Variants in VRK1 observed in about 807,000 individuals in gnomAD.
VRK1 encodes the protein serine/threonine-protein kinase VRK1.
VRK1 carries 33 observed loss-of-function variants against 57.1 expected under a neutral mutation model. The observed-to-expected ratio is 0.58, with a 90% CI of 0.44 to 0.77. The LOEUF (loss-of-function observed/expected upper bound fraction) is 0.77, where lower values mean the gene tolerates loss of function less well. VRK1 is among the 30% of genes least tolerant of loss of function. VRK1 has a pLI of 0.00. For missense variants in VRK1, 413 were observed against 477.3 expected (o/e 0.87, Z 1.25); for synonymous variants, 137 against 147.8 (o/e 0.93, Z 0.53).
chr14:96,829,570 A>G (rs960459390), intron 1 of VRK1, among the ~76,000 whole-genome samples: 2 of 152,222 alleles, frequency 1.3e-5, no homozygotes. Flanking sequence ...TCTTTCTTCC[A>G]TATCTGAATC....
intron 2 of VRK1, among the ~76,000 whole-genome samples, chr14:96,836,352 A>G (rs1044720882): frequency 1.3e-5 from 2 of 151,904 alleles, no homozygotes; most frequent in African/African-American, 2.4e-5. Context: ...ATGGCTCCCC[A>G]TCTTATTCAT....
intron 11 of VRK1, among the ~76,000 whole-genome samples, chr14:96,868,631 A>G (rs1888678451): frequency 6.6e-6 from 1 of 152,186 alleles, no homozygotes; most frequent in East Asian, 1.9e-4. Context: ...GTGATACAGA[A>G]GGAAATTTGG....
At chr14:96,869,216 A>G (rs183373945) in intron 11 of VRK1, among the ~76,000 whole-genome samples, 1 of 152,360 alleles carries the variant, frequency 6.6e-6, no homozygotes, top group African/African-American at 2.4e-5. Flanking sequence ...AGTGGCAGGC[A>G]CATAGCAAGT....
At chr14:96,837,163 T>C (rs1887252724) in intron 2 of VRK1, among the ~76,000 whole-genome samples, 1 of 152,240 alleles carries the variant, frequency 6.6e-6, no homozygotes, top group Non-Finnish European at 1.5e-5. Flanking sequence ...ATCTGTTTAA[T>C]GAATATGGGC....
chr14:96,852,961 T>G, intron 6 of VRK1, 22 bp downstream of exon 6: 1 of 1,612,180 alleles, frequency 6.2e-7, no homozygotes, highest in Non-Finnish European at 8.5e-7. Context: ...ATGTTCTTCT[T>G]GTTTTTAAAA....
At chr14:96,830,259 G>A (rs915011933) in intron 1 of VRK1, among the ~76,000 whole-genome samples, 1 of 152,008 alleles carries the variant, frequency 6.6e-6, no homozygotes, top group Non-Finnish European at 1.5e-5. Context: ...TGAAGTTCAG[G>A]AAAGTTTTCT....
intron 11 of VRK1, among the ~76,000 whole-genome samples, chr14:96,868,288 A>G (rs1888662486): frequency 6.6e-6 from 1 of 152,176 alleles, no homozygotes; most frequent in African/African-American, 2.4e-5. Context: ...GTTGCATATT[A>G]TAATAAATTC....
At chr14:96,863,716 T>C (rs1271768262) in intron 11 of VRK1, among the ~76,000 whole-genome samples, 1 of 152,192 alleles carries the variant, frequency 6.6e-6, no homozygotes, top group Non-Finnish European at 1.5e-5. Context: ...CTCCTAATTT[T>C]AAAATTTTAA....
chr14:96,873,534 A>G (rs916822956), intron 11 of VRK1, among the ~76,000 whole-genome samples: 14 of 152,222 alleles, frequency 9.2e-5, no homozygotes, highest in African/African-American at 3.4e-4. Context: ...TTGGTTTCAT[A>G]TTAAACGCAA....
chr14:96,820,099 T>G (rs1886541529), intron 1 of VRK1, among the ~76,000 whole-genome samples: 1 of 152,032 alleles, frequency 6.6e-6, no homozygotes, highest in African/African-American at 2.4e-5. Context: ...CTTTGGAGCT[T>G]CTTCTCAGTC....
At chr14:96,871,821 T>A (rs575243870) in intron 11 of VRK1, among the ~76,000 whole-genome samples, 1 of 152,312 alleles carries the variant, frequency 6.6e-6, no homozygotes, top group Non-Finnish European at 1.5e-5. Flanking sequence ...ATTTTTATTT[T>A]TATTTTTATT....
chr14:96,827,818 G>A (rs540312614), intron 1 of VRK1, among the ~76,000 whole-genome samples: 1 of 152,178 alleles, frequency 6.6e-6, no homozygotes, highest in South Asian at 2.1e-4. Flanking sequence ...ACACACTTGT[G>A]ATTTGTGTAC....
intron 12 of VRK1, among the ~76,000 whole-genome samples, chr14:96,878,070 G>A (rs1055457093): frequency 1.3e-5 from 2 of 152,008 alleles, no homozygotes; most frequent in African/African-American, 4.8e-5. Context: ...ACTCAAAATT[G>A]CCGTTCTTAA....
At position 96,837,787 on chromosome 14, in the gene VRK1, T is replaced by C; in HGVS notation, c.186T>C (p.Val62=). ...YLADMNSSES[V]GSDAPCVVKV... is the part of the protein sequence containing the mutation. ...CTGATATGAATTCTTCAGAGTCAGT[T>C]GGCAGTGATGCACCTTGTGTTGTAA... Residue 62 remains valine, a synonymous_variant, in exon 3 of 13, where the codon GTT becomes GTC. Transcript: ENST00000216639. The C allele has an allele frequency of 6.4e-7, 1 of 1,567,798 alleles. No homozygotes were observed. The highest frequency in any genetic ancestry group is 8.6e-7 in the Non-Finnish European group (1 of 1,156,124).
chr14:96,879,494 G>A (rs947376021), intron 12 of VRK1, among the ~76,000 whole-genome samples: 1 of 152,112 alleles, frequency 6.6e-6, no homozygotes, highest in Non-Finnish European at 1.5e-5. Context: ...TTAATTTAGT[G>A]TTCTTTGTAG....
Position 96,846,100 on chromosome 14 carries a change from C to T in VRK1, c.222C>T (p.Pro74=). 5.0e-6 allele frequency: 8 copies of T among 1,613,096 alleles called. No individual in the cohort carries two copies. The highest frequency in any genetic ancestry group is 6.8e-6 in the Non-Finnish European group (8 of 1,179,366). Residue 74 remains proline, a synonymous_variant, in exon 4 of 13, where the codon CCC becomes CCT. Coordinates refer to ENST00000216639, the MANE Select transcript of VRK1 (RefSeq NM_003384.3). ...ATTAACTCTTATATTTTAAGGAACC[C>T]AGTGACAATGGACCTCTTTTTACTG... ...SDAPCVVKVE[P]SDNGPLFTEL...
intron 1 of VRK1, among the ~76,000 whole-genome samples, chr14:96,813,579 T>C (rs1886286452): frequency 6.6e-6 from 1 of 152,196 alleles, no homozygotes; most frequent in African/African-American, 2.4e-5. Flanking sequence ...CAGTGATTTA[T>C]TTCATTACTA....
At chr14:96,864,580 T>TG (rs1888510275) in intron 11 of VRK1, among the ~76,000 whole-genome samples, 1 of 152,138 alleles carries the variant, frequency 6.6e-6, no homozygotes, top group Non-Finnish European at 1.5e-5. Flanking sequence ...TTTTAATTTT[T>TG]GGGGGGAAAC....
intron 12 of VRK1, 45 bp from the exon 13 acceptor site, chr14:96,881,132 T>C (rs1045316082): frequency 3.2e-6 from 5 of 1,539,354 alleles, no homozygotes; most frequent in Non-Finnish European, 4.4e-6. Context: ...TTTGCTTTTG[T>C]AAATTATTGA....
Sources: allele counts gnomAD v4.1 joint callset (sites outside exome capture counted in the v4.1 genomes callset), GRCh38; gene constraint gnomAD v4.1.1; transcripts MANE v1.5; gene names NCBI Gene and HGNC (gene_info 2026-07-23, HGNC 2026-07-21).